The following AGBL4 variants were observed in gnomAD, a reference collection of about 807,000 sequenced individuals.
AGBL4 encodes the protein cytosolic carboxypeptidase 6.
In AGBL4, 58 loss-of-function variants were observed where a neutral mutation model predicts 66.4. The observed-to-expected ratio is 0.87, with a 90% CI of 0.71 to 1.09. The LOEUF is 1.09. AGBL4 is among the 50% of genes least tolerant of loss of function. The probability of loss-of-function intolerance (pLI) is 0.00; values close to 1 mark genes in which losing one functional copy is unlikely to be tolerated. For missense variants in AGBL4, 579 were observed against 631.0 expected, an observed-to-expected ratio of 0.92 and a Z score of 0.88; for synonymous variants, 234 against 222.9, an observed-to-expected ratio of 1.05 and a Z score of -0.44.
chr1:49,139,367 A>C (rs992973415), intron 4 of AGBL4, among the ~76,000 whole-genome samples: 1 of 152,152 alleles, frequency 6.6e-6, no homozygotes, highest in African/African-American at 2.4e-5. Flanking sequence ...GGCACCATTC[A>C]TTTATTCATT....
intron 4 of AGBL4, among the ~76,000 whole-genome samples, chr1:49,060,608 T>G (rs1197286526): frequency 6.6e-6 from 1 of 152,170 alleles, no homozygotes; most frequent in Non-Finnish European, 1.5e-5. Context: ...TTTTAAGATC[T>G]CAACATAATG....
intron 5 of AGBL4, among the ~76,000 whole-genome samples, chr1:48,870,335 G>C (rs879729072): frequency 1.3e-5 from 2 of 152,052 alleles, no homozygotes; most frequent in Non-Finnish European, 2.9e-5. Flanking sequence ...ATCATGTACC[G>C]TCTTCATTGT....
At chr1:48,820,738 T>A (rs1386319627) in intron 6 of AGBL4, among the ~76,000 whole-genome samples, 1 of 152,116 alleles carries the variant, frequency 6.6e-6, no homozygotes, top group Non-Finnish European at 1.5e-5. Context: ...GAACTCAGAT[T>A]AGAGCTATAC....
chr1:49,948,040 A>G (rs1424346685), intron 1 of AGBL4, among the ~76,000 whole-genome samples: 1 of 6,904 alleles, frequency 1.4e-4, no homozygotes, highest in Admixed American at 2.6e-3. Flanking sequence ...ATATATACAT[A>G]TAAATATATA....
At chr1:48,750,694 C>T (rs1048077190) in intron 6 of AGBL4, among the ~76,000 whole-genome samples, 1 of 152,230 alleles carries the variant, frequency 6.6e-6, no homozygotes, top group African/African-American at 2.4e-5. Flanking sequence ...AAAACATTTC[C>T]CTACGGTCAG....
At chr1:49,713,800 T>C (rs987525019) in intron 2 of AGBL4, among the ~76,000 whole-genome samples, 2 of 152,000 alleles carry the variant, frequency 1.3e-5, no homozygotes, top group Non-Finnish European at 2.9e-5. Context: ...AAAAGTCTCC[T>C]CATTTTTTTT....
chr1:49,778,598 G>C (rs909457917), intron 2 of AGBL4, among the ~76,000 whole-genome samples: 2 of 152,182 alleles, frequency 1.3e-5, no homozygotes, highest in Non-Finnish European at 2.9e-5. Context: ...TGTTTTATAA[G>C]AGTAAATCTA....
intron 3 of AGBL4, among the ~76,000 whole-genome samples, chr1:49,254,738 G>C (rs1652339860): frequency 6.6e-6 from 1 of 152,144 alleles, no homozygotes; most frequent in African/African-American, 2.4e-5. Context: ...CAAAGCTGGA[G>C]GAATCATGCT....
intron 2 of AGBL4, among the ~76,000 whole-genome samples, chr1:49,829,608 C>T (rs1645603165): frequency 6.6e-6 from 1 of 152,104 alleles, no homozygotes; most frequent in Admixed American, 6.5e-5. Flanking sequence ...AATCATCTCA[C>T]ACATAATTAA....
At chr1:48,535,449 G>A (rs777218371) in intron 12 of AGBL4, among the ~76,000 whole-genome samples, 9 of 152,134 alleles carry the variant, frequency 5.9e-5, no homozygotes, top group East Asian at 1.9e-4. Context: ...CTCATGAGAC[G>A]ATAAGTTTGA....
intron 4 of AGBL4, among the ~76,000 whole-genome samples, chr1:49,159,939 T>C (rs1173819126): frequency 6.6e-6 from 1 of 152,216 alleles, no homozygotes; most frequent in African/African-American, 2.4e-5. Flanking sequence ...TTCTCTAAAC[T>C]GGTTATTCTA....
chr1:49,759,086 C>T (rs376604741), intron 2 of AGBL4, among the ~76,000 whole-genome samples: 1 of 152,164 alleles, frequency 6.6e-6, no homozygotes, highest in Non-Finnish European at 1.5e-5. Context: ...TTTTCTCTCT[C>T]TTGCCTGCCT....
intron 4 of AGBL4, among the ~76,000 whole-genome samples, chr1:49,084,262 T>C (rs1318712447): frequency 2.6e-5 from 4 of 152,174 alleles, no homozygotes; most frequent in African/African-American, 9.6e-5. Flanking sequence ...ACTTCCACAT[T>C]TTCAGGTATC....
rs181767635 is a variant in AGBL4 at position 49,566,934 on chromosome 1, G to A, written c.282+130379C>T. On this transcript the variant is annotated intron_variant, in intron 3 of 13. Coordinates refer to ENST00000371839, the MANE Select transcript of AGBL4 (RefSeq NM_032785.4). Reference sequence around the variant, plus strand: ...GGCAGGCAGGCCTCCTTGAGCTGTGGTGGGCTCCACCCAGTTTGAGCTTCC... The same window carrying A: ...GGCAGGCAGGCCTCCTTGAGCTGTGATGGGCTCCACCCAGTTTGAGCTTCC... Among the ~76,000 whole-genome samples the A allele has an allele frequency of 3.2e-4, 49 of 152,310 alleles. No individual in the cohort carries two copies. In the East Asian group the frequency reaches 9.5e-3, roughly 30 times the overall value.
intron 1 of AGBL4, among the ~76,000 whole-genome samples, chr1:49,861,442 C>A (rs1646570086): frequency 6.6e-6 from 1 of 152,004 alleles, no homozygotes; most frequent in African/African-American, 2.4e-5. Context: ...CCAGCTCAGC[C>A]ACAGCATGAT....
intron 1 of AGBL4, among the ~76,000 whole-genome samples, chr1:49,889,879 T>A (rs185395380): frequency 1.3e-5 from 2 of 152,204 alleles, no homozygotes; most frequent in Admixed American, 6.5e-5. Context: ...AGATAAGTTA[T>A]AAAACCTTGA....
chr1:49,330,540 G>A (rs1419028463), intron 3 of AGBL4, among the ~76,000 whole-genome samples: 1 of 152,182 alleles, frequency 6.6e-6, no homozygotes, highest in Non-Finnish European at 1.5e-5. Context: ...ATGCTATTTA[G>A]CATTTCTATA....
chr1:49,197,896 C>T (rs910522192), intron 4 of AGBL4, among the ~76,000 whole-genome samples: 6 of 152,172 alleles, frequency 3.9e-5, no homozygotes, highest in African/African-American at 1.4e-4. Flanking sequence ...ACACAATATT[C>T]CAATCCCTGG....
chr1:49,832,955 C>G (rs1235531924), intron 2 of AGBL4, among the ~76,000 whole-genome samples: 2 of 151,942 alleles, frequency 1.3e-5, no homozygotes, highest in Admixed American at 6.6e-5. Context: ...CCTGTTCACT[C>G]TGATGGTAGT....
Sources: allele counts gnomAD v4.1 joint callset (sites outside exome capture counted in the v4.1 genomes callset), GRCh38; gene constraint gnomAD v4.1.1; transcripts MANE v1.5; gene names NCBI Gene and HGNC (gene_info 2026-07-23, HGNC 2026-07-21).